The following ARID5B variants were observed in gnomAD, a reference collection of about 807,000 sequenced individuals.
ARID5B encodes AT-rich interaction domain 5B, also known as AT-rich interactive domain-containing protein 5B.
In ARID5B, 13 loss-of-function variants were observed where a neutral mutation model predicts 97.2. The observed-to-expected ratio is 0.13, with a 90% CI of 0.09 to 0.21. ARID5B has a LOEUF of 0.21. Ranked by LOEUF, ARID5B falls within the 10% of genes least tolerant of loss-of-function variation. ARID5B has a pLI of 1.00. For missense variants in ARID5B, 1,210 were observed against 1,465.3 expected (o/e 0.83, Z 2.84); for synonymous variants, 556 against 570.3 (o/e 0.97, Z 0.36).
chr10:61,922,675 T>C (rs973073084), intron 2 of ARID5B, among the ~76,000 whole-genome samples: 14 of 152,218 alleles, frequency 9.2e-5, no homozygotes, highest in Admixed American at 8.5e-4. Flanking sequence ...CATACGGCCA[T>C]GGAAAGAAGA....
intron 2 of ARID5B, among the ~76,000 whole-genome samples, chr10:61,921,169 C>T (rs1219591259): frequency 2.0e-5 from 3 of 152,160 alleles, no homozygotes; most frequent in Non-Finnish European, 4.4e-5. Flanking sequence ...ATGGTTGTAT[C>T]GGTTATCTAT....
chr10:62,000,600 G>A lies in ARID5B; in HGVS notation c.733+279G>A, dbSNP rs977441825. Among the ~76,000 whole-genome samples, 2 of 152,142 alleles carry A rather than the reference G, an allele frequency of 1.3e-5. No individual in the cohort carries two copies. The highest frequency in any genetic ancestry group is 4.8e-5 in the African/African-American group (2 of 41,442). On this transcript the variant is annotated intron_variant, in intron 4 of 9. Transcript: ENST00000279873. This position sits in a 1 kb window ranked among gnomAD's most constrained non-coding sequence, Gnocchi z 4.4. ...TTGAAATTGGACTTTAGGACAGGAAGCTTTCATGTTACTTTTCTCTCAAAA... is the reference window on the plus strand; with the variant it reads ...TTGAAATTGGACTTTAGGACAGGAAACTTTCATGTTACTTTTCTCTCAAAA...
intron 4 of ARID5B, among the ~76,000 whole-genome samples, chr10:62,020,200 C>T (rs1468121625): frequency 6.6e-6 from 1 of 152,164 alleles, no homozygotes; most frequent in Non-Finnish European, 1.5e-5. Flanking sequence ...TGCATATTTT[C>T]CAGTCCTTGC....
chr10:62,059,355 G>A, intron 7 of ARID5B, 60 bp downstream of exon 7: 4 of 1,415,076 alleles, frequency 2.8e-6, no homozygotes, highest in Non-Finnish European at 4.0e-6. Context: ...CCCTCTCTTT[G>A]ACCAAAATGG....
chr10:62,026,720 G>A (rs987076902), intron 4 of ARID5B, among the ~76,000 whole-genome samples: 1 of 152,134 alleles, frequency 6.6e-6, no homozygotes, highest in Non-Finnish European at 1.5e-5. Flanking sequence ...AATGGAGCTT[G>A]ATGAGATTTG....
chr10:62,082,210 A>AT (rs1234291661), intron 8 of ARID5B, among the ~76,000 whole-genome samples: 1 of 152,234 alleles, frequency 6.6e-6, no homozygotes, highest in Non-Finnish European at 1.5e-5. Context: ...TTTTTAATAC[A>AT]TAATGGCTTA....
chr10:61,949,502 T>C (rs1209497408), intron 3 of ARID5B, among the ~76,000 whole-genome samples: 1 of 152,102 alleles, frequency 6.6e-6, no homozygotes, highest in Non-Finnish European at 1.5e-5. Flanking sequence ...ACGGGTATGG[T>C]AGCACACATC....
At chr10:62,003,565 T>C (rs1839109489) in intron 4 of ARID5B, among the ~76,000 whole-genome samples, 1 of 152,220 alleles carries the variant, frequency 6.6e-6, no homozygotes, top group Non-Finnish European at 1.5e-5. Context: ...GTCTTAGGTT[T>C]GTTCTGCCTC....
intron 2 of ARID5B, among the ~76,000 whole-genome samples, chr10:61,909,263 C>A (rs1015998988): frequency 6.6e-6 from 1 of 150,556 alleles, no homozygotes; most frequent in East Asian, 1.9e-4. Flanking sequence ...CAGGAGCAGG[C>A]AGTTGTGCCT....
intron 2 of ARID5B, among the ~76,000 whole-genome samples, chr10:61,926,862 G>A (rs961422998): frequency 6.6e-6 from 1 of 152,150 alleles, no homozygotes; most frequent in African/African-American, 2.4e-5. Flanking sequence ...CTGACCTCGT[G>A]ATCTGCCCGC....
Position 62,091,315 on chromosome 10 carries a change from G to T in ARID5B, c.1852G>T (p.Ala618Ser). The change falls in exon 10 of 10, where the codon GCC (alanine) becomes TCC (serine). Residue 618 changes from alanine (A) to serine (S), a missense_variant. By Grantham distance (99) the Ala-to-Ser change is moderately conservative. Around this residue, in one of 8 missense-constraint regions of ARID5B, gnomAD observed 800 missense variants for 839.1 expected, o/e 0.95. Coordinates refer to ENST00000279873, the MANE Select transcript of ARID5B (RefSeq NM_032199.3). Reference protein sequence around the residue: ...QNETEDDKLPAMADYIANCTV... With the variant: ...QNETEDDKLPSMADYIANCTV... ...TGAGACGGAGGATGACAAACTGCCC[G>T]CCATGGCAGATTACATTGCCAACTG... 3 of 1,614,112 alleles carry T rather than the reference G, an allele frequency of 1.9e-6. No homozygotes were observed. Among genetic ancestry groups the T allele is most frequent in the Non-Finnish European group, 2.5e-6 (3 of 1,180,010 alleles).
At position 62,094,448 on chromosome 10, in the gene ARID5B, T is replaced by G. The variant is rs115939814; in HGVS notation, c.*1418T>G. 2,139 of 230,734 alleles carry G rather than the reference T, an allele frequency of 9.3e-3. 32 individuals carry two copies. The highest frequency in any genetic ancestry group is 0.042 in the African/African-American group (1,918 of 45,316). 14.3% of individuals were successfully genotyped at this position (230,734 alleles called of 1,614,324 possible). A position where few individuals can be genotyped will look rare whatever the true frequency, so the allele number is the denominator to read the frequency against. On this transcript the variant is annotated 3_prime_UTR_variant, in exon 10 of 10. Transcript: ENST00000279873. The stretch of plus-strand genomic sequence containing the variant: ...AAAAGAAAAGTCATCCTATTTGGTT[T>G]TATGGGGTGTGAGTTTTGTGTGTAC...
chr10:61,938,119 CA>C lies in ARID5B; in HGVS notation c.277-2060del, dbSNP rs145457708. Among the ~76,000 whole-genome samples the C allele has an allele frequency of 2.4e-3, 365 of 152,210 alleles. 5 individuals carry two copies. In the East Asian group the frequency reaches 0.038, roughly 16 times the overall value. ...TTGAGAGAGGGAGAAAAAGGGAGGACAAAACCTATAGACTGAATCATAAAAG... is the reference window on the plus strand; with the variant it reads ...TTGAGAGAGGGAGAAAAAGGGAGGACAAACCTATAGACTGAATCATAAAAG... On this transcript the variant is annotated intron_variant, in intron 2 of 9. Coordinates refer to ENST00000279873, the MANE Select transcript of ARID5B (RefSeq NM_032199.3).
At chr10:61,995,767 T>C (rs1331220218) in intron 3 of ARID5B, among the ~76,000 whole-genome samples, 1 of 152,254 alleles carries the variant, frequency 6.6e-6, no homozygotes, top group Non-Finnish European at 1.5e-5. Flanking sequence ...ACTTTGACTC[T>C]GTATCTTTCC....
At chr10:61,974,369 A>C (rs1287713305) in intron 3 of ARID5B, among the ~76,000 whole-genome samples, 1 of 152,204 alleles carries the variant, frequency 6.6e-6, no homozygotes, top group East Asian at 1.9e-4. Context: ...ATGGTTAACA[A>C]TCACATTTTA....
chr10:61,938,597 G>A (rs1283689073), intron 2 of ARID5B, among the ~76,000 whole-genome samples: 1 of 152,104 alleles, frequency 6.6e-6, no homozygotes, highest in African/African-American at 2.4e-5. Flanking sequence ...GTGAATCTGA[G>A]GGAAATCATC....
At chr10:61,904,788 C>T (rs924889296) in intron 2 of ARID5B, among the ~76,000 whole-genome samples, 1 of 152,206 alleles carries the variant, frequency 6.6e-6, no homozygotes, top group African/African-American at 2.4e-5. Context: ...GATAATGACA[C>T]GCCTCAAAAT....
In ARID5B at chr10:62,038,723, A is replaced by C. The variant is rs144074451; in HGVS notation, c.734-12165A>C. 2.8e-4 allele frequency among the ~76,000 whole-genome samples: 43 copies of C among 152,330 alleles called. No homozygotes were observed. The East Asian group carries it at 6.7e-3, about 24-fold the overall frequency. ...ACATATAAAACAACATAAGGTTGTCATTTGTGGCTGTTTCTATCCAAGATG... is the reference window on the plus strand; with the variant it reads ...ACATATAAAACAACATAAGGTTGTCCTTTGTGGCTGTTTCTATCCAAGATG... On this transcript the variant is annotated intron_variant, in intron 4 of 9. Coordinates refer to ENST00000279873, the MANE Select transcript of ARID5B (RefSeq NM_032199.3).
At chr10:61,920,334 T>G (rs539348162) in intron 2 of ARID5B, among the ~76,000 whole-genome samples, 88 of 148,322 alleles carry the variant, frequency 5.9e-4, no homozygotes, top group South Asian at 1.7e-3. Context: ...TCTTTGTTTT[T>G]TTTTTTTTTT....
Sources: allele counts gnomAD v4.1 joint callset (sites outside exome capture counted in the v4.1 genomes callset), GRCh38; gene constraint gnomAD v4.1.1; regional missense constraint gnomAD v4.1.1; non-coding constraint Gnocchi (gnomAD v3.1); transcripts MANE v1.5; gene names NCBI Gene and HGNC (gene_info 2026-07-23, HGNC 2026-07-21).